Variants in CSMD1 observed in about 807,000 individuals in gnomAD.
CSMD1 encodes the protein CUB and Sushi multiple domains 1.
A neutral mutation model predicts 417.5 loss-of-function variants in CSMD1; 213 were observed. That is an observed-to-expected ratio of 0.51 (90% confidence interval 0.46 to 0.57). CSMD1 has a LOEUF of 0.57. Ranked by LOEUF, CSMD1 falls within the 20% of genes least tolerant of loss-of-function variation. The pLI is 0.00. For missense variants in CSMD1, 6,923 were observed against 4,529.7 expected (o/e 1.53, Z -15.17); for synonymous variants, 2,862 against 1,736.8 (o/e 1.65, Z -16.11).
chr8:3,382,855 G>C (rs907922344), intron 18 of CSMD1, among the ~76,000 whole-genome samples: 1 of 151,878 alleles, frequency 6.6e-6, no homozygotes, highest in Non-Finnish European at 1.5e-5. Flanking sequence ...ATTGATCAAT[G>C]TTTTTTCATT....
intron 12 of CSMD1, among the ~76,000 whole-genome samples, chr8:3,441,698 C>T (rs898887495): frequency 2.6e-5 from 4 of 152,112 alleles, no homozygotes; most frequent in Non-Finnish European, 5.9e-5. Context: ...AATAAACCTA[C>T]TGTGCTGCCA....
chr8:3,353,932 G>C (rs1396828515), intron 21 of CSMD1, among the ~76,000 whole-genome samples: 2 of 152,062 alleles, frequency 1.3e-5, no homozygotes. Context: ...CTGTACAAAG[G>C]AATCTACCTG....
At chr8:3,264,067 A>T (rs1208412987) in intron 26 of CSMD1, among the ~76,000 whole-genome samples, 7 of 152,206 alleles carry the variant, frequency 4.6e-5, no homozygotes, top group Non-Finnish European at 7.3e-5. Context: ...TTGAAAATTC[A>T]AACTTTATTT....
In CSMD1 at chr8:4,420,048, A is replaced by G. The variant is rs1219918276; in HGVS notation, c.320T>C (p.Leu107Pro). 6 of 1,569,884 alleles carry G rather than the reference A, an allele frequency of 3.8e-6. No homozygotes were observed. In the African/African-American group the frequency reaches 4.1e-5, roughly 11 times the overall value. Residue 107 changes from leucine (L) to proline (P), a missense_variant, in exon 3 of 70, where the codon CTG (leucine) becomes CCG (proline). By Grantham distance (98) the Leu-to-Pro change is moderately conservative (BLOSUM62 -3). Transcript: ENST00000635120. ...NLKVRLSGFQLPSSIVSTGSI... is the reference protein window; with the variant it reads ...NLKVRLSGFQPPSSIVSTGSI... The stretch of plus-strand genomic sequence containing the variant: ...TCCTGTACTCACTATAGAGGAGGGC[A>G]GCTGAAATCCCGATAATCTAAATTT...
At chr8:3,378,242 T>C (rs980427414) in intron 18 of CSMD1, among the ~76,000 whole-genome samples, 1 of 152,110 alleles carries the variant, frequency 6.6e-6, no homozygotes, top group Non-Finnish European at 1.5e-5. Flanking sequence ...AGTTCTGAAA[T>C]TGAAGCAGTA....
intron 2 of CSMD1, among the ~76,000 whole-genome samples, chr8:4,610,525 T>C (rs986676736): frequency 2.6e-5 from 4 of 152,196 alleles, no homozygotes; most frequent in Non-Finnish European, 5.9e-5. Flanking sequence ...GCCACCTTTA[T>C]AAAGAATACC....
At chr8:3,922,215 A>G (rs1036750422) in intron 5 of CSMD1, among the ~76,000 whole-genome samples, 5 of 152,088 alleles carry the variant, frequency 3.3e-5, no homozygotes, top group African/African-American at 1.2e-4. Context: ...CTTTTTAACC[A>G]CTTGCATAAA....
intron 3 of CSMD1, among the ~76,000 whole-genome samples, chr8:4,200,888 C>A (rs1019617879): frequency 1.3e-5 from 2 of 152,166 alleles, no homozygotes; most frequent in African/African-American, 4.8e-5. Flanking sequence ...AATAACACAT[C>A]TTTAAGAAAC....
intron 5 of CSMD1, among the ~76,000 whole-genome samples, chr8:3,937,860 T>C (rs893784574): frequency 2.0e-5 from 3 of 152,170 alleles, no homozygotes. Flanking sequence ...AATTCAAATA[T>C]TACTCGAATT....
chr8:3,291,544 T>G (rs892123590), intron 25 of CSMD1, among the ~76,000 whole-genome samples: 2 of 152,182 alleles, frequency 1.3e-5, no homozygotes, highest in Non-Finnish European at 2.9e-5. Flanking sequence ...TTCTTCCTGG[T>G]TTAGTCTTGG....
intron 52 of CSMD1, among the ~76,000 whole-genome samples, chr8:3,005,204 T>C (rs187298761): frequency 2.0e-5 from 3 of 152,322 alleles, no homozygotes; most frequent in East Asian, 3.9e-4. Flanking sequence ...GTTATACGTA[T>C]GGACTGTGCA....
chr8:4,780,259 T>C (rs1405650385), intron 1 of CSMD1, among the ~76,000 whole-genome samples: 1 of 152,238 alleles, frequency 6.6e-6, no homozygotes, highest in Non-Finnish European at 1.5e-5. Context: ...GGTGTGCAGA[T>C]TGGCATGCTT....
intron 8 of CSMD1, chr8:3,598,219 G>T (rs540641311): frequency 1.2e-4 from 18 of 152,292 alleles, no homozygotes; most frequent in African/African-American, 4.3e-4. Context: ...GGAAGTTAAT[G>T]CTAAAATTAT....
intron 49 of CSMD1, among the ~76,000 whole-genome samples, chr8:3,076,227 C>G (rs12678889): frequency 0.59 from 89,129 of 151,680 alleles, 26,416 homozygotes; most frequent in African/African-American, 0.6. Context: ...TTCTGCCTGA[C>G]CCTATCTCCT....
In CSMD1 at chr8:4,359,271, T is replaced by C. The variant is rs539605272; in HGVS notation, c.415+60682A>G. 3.9e-5 allele frequency among the ~76,000 whole-genome samples: 6 copies of C among 152,320 alleles called. No homozygotes were observed. The South Asian group carries it at 1.2e-3, about 32-fold the overall frequency. On this transcript the variant is annotated intron_variant, in intron 3 of 69. Coordinates refer to ENST00000635120, the MANE Select transcript of CSMD1 (RefSeq NM_033225.6). ...TACTTCACTCTTCAAGAATATTTAA[T>C]TCAATAGATATATTCTGTGTATATA...
In CSMD1 at chr8:4,918,273, G is replaced by A. The variant is rs186369766; in HGVS notation, c.85+76059C>T. 5.5e-3 allele frequency among the ~76,000 whole-genome samples: 833 copies of A among 152,248 alleles called. 12 individuals carry two copies. Among genetic ancestry groups the A allele is most frequent in the Middle Eastern group, 0.041 (12 of 294 alleles). ...CATGTGCGAAGCATGTGAGCTTTCT[G>A]GGACAGACTTATTTTTGTATTTATG... On this transcript the variant is annotated intron_variant, in intron 1 of 69. Transcript: ENST00000635120.
At chr8:4,993,971 C>G (rs1257380803) in intron 1 of CSMD1, among the ~76,000 whole-genome samples, 4 of 152,108 alleles carry the variant, frequency 2.6e-5, no homozygotes, top group Non-Finnish European at 4.4e-5. Context: ...TCAGCCACCC[C>G]GACCCGTGGA....
At chr8:4,696,510 G>C (rs1045183498) in intron 1 of CSMD1, among the ~76,000 whole-genome samples, 5 of 152,136 alleles carry the variant, frequency 3.3e-5, no homozygotes, top group African/African-American at 1.2e-4. Flanking sequence ...GAGGAAAACA[G>C]GTCTTAAACA....
chr8:4,660,116 A>AG (rs199913460), intron 1 of CSMD1, among the ~76,000 whole-genome samples: 3,406 of 133,480 alleles, frequency 0.026, 67 homozygotes, highest in Middle Eastern at 0.081. Flanking sequence ...AACCAGTGCA[A>AG]AAAAAAAAAA....
Sources: gnomAD v4.1 joint callset for allele counts (sites outside exome capture counted in the v4.1 genomes callset) on GRCh38, gnomAD v4.1.1 for gene constraint, MANE v1.5 for transcripts, NCBI Gene and HGNC (gene_info 2026-07-23, HGNC 2026-07-21) for gene names.